The following RORB variants were observed in gnomAD, a reference collection of about 807,000 sequenced individuals.
The protein encoded by RORB is RAR related orphan receptor B, also known as nuclear receptor ROR-beta.
A neutral mutation model predicts 59.1 loss-of-function variants in RORB; 6 were observed. The observed-to-expected ratio is 0.10, with a 90% CI of 0.06 to 0.20. The LOEUF is 0.20. RORB is among the 10% of genes least tolerant of loss of function. The pLI is 1.00. For missense variants in RORB, 320 were observed against 560.5 expected, an observed-to-expected ratio of 0.57 and a Z score of 4.33; for synonymous variants, 215 against 204.5, an observed-to-expected ratio of 1.05 and a Z score of -0.44.
intron 1 of RORB, among the ~76,000 whole-genome samples, chr9:74,566,358 GT>G (rs746613537): frequency 2.2e-4 from 33 of 151,242 alleles, no homozygotes; most frequent in Non-Finnish European, 4.7e-4. Flanking sequence ...TTCTTCTCAT[GT>G]TTTGAGAACA....
rs1822484375 is a variant in RORB at position 74,567,341 on chromosome 9, T to A, written c.8-62941T>A. On this transcript the variant is annotated intron_variant, in intron 1 of 9. Transcript: ENST00000376896. The stretch of plus-strand genomic sequence containing the variant: ...CGCGTCTGGTCGGAATGCCCTCTAC[T>A]TGAGAGGACCCTCTCTAGTCCCAGG... 2.6e-5 allele frequency among the ~76,000 whole-genome samples: 4 copies of A among 152,266 alleles called. No homozygotes were observed. In the South Asian group the frequency reaches 8.3e-4, roughly 32 times the overall value.
At chr9:74,609,999 C>CA (rs1823209991) in intron 1 of RORB, among the ~76,000 whole-genome samples, 1 of 152,236 alleles carries the variant, frequency 6.6e-6, no homozygotes, top group East Asian at 1.9e-4. Flanking sequence ...AAACCCTGCT[C>CA]TAGAACCTGC....
At chr9:74,605,589 C>T (rs996587329) in intron 1 of RORB, among the ~76,000 whole-genome samples, 2 of 152,150 alleles carry the variant, frequency 1.3e-5, no homozygotes, top group South Asian at 2.1e-4. Context: ...GCAAAGATCA[C>T]CTAGCCCTAC....
At chr9:74,675,839 C>T (rs1312236892) in intron 9 of RORB, among the ~76,000 whole-genome samples, 1 of 152,098 alleles carries the variant, frequency 6.6e-6, no homozygotes, top group African/African-American at 2.4e-5. Flanking sequence ...GGATTAGGAA[C>T]CTGTGATGCT....
chr9:74,507,504 A>G (rs1390055737), intron 1 of RORB, among the ~76,000 whole-genome samples: 3 of 152,098 alleles, frequency 2.0e-5, no homozygotes, highest in Non-Finnish European at 4.4e-5. Context: ...AAAGGATCAC[A>G]TAGTGCTTCG....
At chr9:74,566,921 C>T in intron 1 of RORB, among the ~76,000 whole-genome samples, 1 of 152,166 alleles carries the variant, frequency 6.6e-6, no homozygotes, top group East Asian at 1.9e-4. Flanking sequence ...GTTTATGTGA[C>T]TTTTCTTTCT....
At chr9:74,633,879 T>C (rs1587396340) in intron 2 of RORB, among the ~76,000 whole-genome samples, 2 of 152,188 alleles carry the variant, frequency 1.3e-5, no homozygotes, top group Middle Eastern at 6.8e-3. Context: ...TAATATTTTC[T>C]TTTTTCAATG....
At chr9:74,652,508 T>C (rs909708811) in intron 4 of RORB, among the ~76,000 whole-genome samples, 1 of 152,230 alleles carries the variant, frequency 6.6e-6, no homozygotes, top group African/African-American at 2.4e-5. Flanking sequence ...CTATTACTAT[T>C]ACTTGCATTA....
rs1330960043 is a variant in RORB, at chr9:74,671,918, C to T, written c.1224+17C>T. The stretch of plus-strand genomic sequence containing the variant: ...TTGGCAAAGGTAGGTCCACAGATCA[C>T]AGAGCCACCACCACCAAAAGAGAGC... On this transcript the variant is annotated intron_variant, in intron 9 of 9. Transcript: ENST00000376896. 1 of 1,411,458 alleles carries T rather than the reference C, an allele frequency of 7.1e-7. No homozygotes were observed. The highest frequency in any genetic ancestry group is 1.2e-5 in the South Asian group (1 of 84,042). The allele number at this position is 1,411,458 out of a possible 1,614,324, so 87.4% of individuals were successfully genotyped here. A position where few individuals can be genotyped will look rare whatever the true frequency, so the allele number is the denominator to read the frequency against.
At chr9:74,685,390 G>A in intron 9 of RORB, 73 bp from the exon 10 acceptor site, 2 of 1,248,298 alleles carry the variant, frequency 1.6e-6, no homozygotes, top group Non-Finnish European at 2.2e-6. Flanking sequence ...GGGCCAGAAA[G>A]GACACTGGTT....
At chr9:74,630,150 C>T (rs571565249) in intron 1 of RORB, 132 bp from the exon 2 acceptor site, 1 of 1,196,338 alleles carries the variant, frequency 8.4e-7, no homozygotes, top group African/African-American at 1.5e-5. Flanking sequence ...TGGATGACTC[C>T]CACACCACCG....
chr9:74,565,852 A>C (rs1203896859), intron 1 of RORB, among the ~76,000 whole-genome samples: 1 of 152,148 alleles, frequency 6.6e-6, no homozygotes, highest in Non-Finnish European at 1.5e-5. Context: ...AGTCCCCTTC[A>C]TGTCTCTTAC....
intron 3 of RORB, among the ~76,000 whole-genome samples, chr9:74,636,872 G>A (rs555744224): frequency 6.6e-6 from 1 of 152,250 alleles, no homozygotes; most frequent in South Asian, 2.1e-4. Context: ...TACAGAGAAA[G>A]TTTGGTCTGA....
intron 1 of RORB, among the ~76,000 whole-genome samples, chr9:74,603,530 G>C (rs543244139): frequency 1.3e-5 from 2 of 152,200 alleles, no homozygotes; most frequent in African/African-American, 4.8e-5. Flanking sequence ...CAGTCCACTG[G>C]GAGGATCATG....
At chr9:74,617,170 A>G (rs1227982446) in intron 1 of RORB, among the ~76,000 whole-genome samples, 1 of 152,006 alleles carries the variant, frequency 6.6e-6, no homozygotes, top group Non-Finnish European at 1.5e-5. Flanking sequence ...TACCAATTCA[A>G]TTTACATGGT....
intron 1 of RORB, among the ~76,000 whole-genome samples, chr9:74,512,846 A>T (rs1825960337): frequency 6.6e-6 from 1 of 152,092 alleles, no homozygotes; most frequent in Non-Finnish European, 1.5e-5. Flanking sequence ...GAAAGATTGA[A>T]CTCTCTCACT....
chr9:74,644,722 G>T (rs905642037), intron 4 of RORB, among the ~76,000 whole-genome samples: 1 of 152,220 alleles, frequency 6.6e-6, no homozygotes, highest in Non-Finnish European at 1.5e-5. Context: ...CTATTAATTT[G>T]AGAGATATGT....
At chr9:74,677,767 A>G (rs999753621) in intron 9 of RORB, among the ~76,000 whole-genome samples, 1 of 152,238 alleles carries the variant, frequency 6.6e-6, no homozygotes, top group Non-Finnish European at 1.5e-5. Flanking sequence ...TTTGCAGGAT[A>G]TAATGATAAT....
At chr9:74,528,888 C>T (rs928580535) in intron 1 of RORB, among the ~76,000 whole-genome samples, 1 of 151,976 alleles carries the variant, frequency 6.6e-6, no homozygotes, top group Non-Finnish European at 1.5e-5. Context: ...GGAAATGAGA[C>T]TAAGGTAGGT....
Sources: allele counts gnomAD v4.1 joint callset (sites outside exome capture counted in the v4.1 genomes callset), GRCh38; gene constraint gnomAD v4.1.1; transcripts MANE v1.5; gene names NCBI Gene and HGNC (gene_info 2026-07-23, HGNC 2026-07-21).